The following AKR1B10 variants were observed in gnomAD, a reference collection of about 807,000 sequenced individuals.
AKR1B10 encodes the protein ARP.
A neutral mutation model predicts 38.9 loss-of-function variants in AKR1B10; 39 were observed. The ratio of observed to expected loss-of-function variants is 1.00; its 90% CI spans 0.78 to 1.31. The LOEUF is 1.31. Ranked by LOEUF, AKR1B10 falls within the 50% of genes most tolerant of loss-of-function variation. The probability of loss-of-function intolerance (pLI) is 0.00; values close to 1 mark genes in which losing one functional copy is unlikely to be tolerated. For synonymous variants in AKR1B10, 148 were observed against 141.2 expected (o/e 1.05, Z -0.34); for missense variants, 361 against 382.6 (o/e 0.94, Z 0.47).
Position 134,541,182 on chromosome 7 carries a change from T to C in AKR1B10, c.*93T>C. The stretch of plus-strand genomic sequence containing the variant: ...CATGTCCCATTTTAGCCAAGCTTAT[T>C]TAAGATCACAGTGAACTTAGTCCTG... On this transcript the variant is annotated 3_prime_UTR_variant, in exon 10 of 10. Coordinates refer to ENST00000359579, the MANE Select transcript of AKR1B10 (RefSeq NM_020299.5). 1.0e-6 allele frequency: 1 copy of C among 989,760 alleles called. No individual in the cohort carries two copies. Among genetic ancestry groups the C allele is most frequent in the Non-Finnish European group, 1.5e-6 (1 of 651,230 alleles). The allele number at this position is 989,760 out of a possible 1,614,324, so 61.3% of individuals were successfully genotyped here. A position where few individuals can be genotyped will look rare whatever the true frequency, so the allele number is the denominator to read the frequency against.
intron 2 of AKR1B10, among the ~76,000 whole-genome samples, chr7:134,531,277 G>A (rs1433320585): frequency 6.6e-6 from 1 of 152,170 alleles, no homozygotes; most frequent in African/African-American, 2.4e-5. Flanking sequence ...CTAGTAAAAG[G>A]TGAGGGATAC....
chr7:134,532,225 G>A (rs1807877129), intron 3 of AKR1B10, among the ~76,000 whole-genome samples: 1 of 152,130 alleles, frequency 6.6e-6, no homozygotes, highest in South Asian at 2.1e-4. Flanking sequence ...TGCTGCTGAG[G>A]TGGCCACATG....
At chr7:134,532,585 C>T (rs1181210022) in intron 3 of AKR1B10, among the ~76,000 whole-genome samples, 2 of 152,132 alleles carry the variant, frequency 1.3e-5, no homozygotes, top group Non-Finnish European at 2.9e-5. Context: ...TGATGATGGC[C>T]TGCCACCCCT....
intron 1 of AKR1B10, 37 bp downstream of exon 1, chr7:134,528,014 G>A (rs1158408273): frequency 6.2e-7 from 1 of 1,609,612 alleles, no homozygotes; most frequent in Non-Finnish European, 8.5e-7. Flanking sequence ...TTCTTCTCTG[G>A]AGGGGCGTTT....
chr7:134,541,223 G>A lies in AKR1B10; in HGVS notation c.*134G>A, dbSNP rs1481512851. On this transcript the variant is annotated 3_prime_UTR_variant, in exon 10 of 10. Transcript: ENST00000359579. The stretch of plus-strand genomic sequence containing the variant: ...CTTAGTCCTGTTATAGACGAGAATC[G>A]AGGTGCTGTTTTAGACATTTATTTC... The A allele has an allele frequency of 9.3e-6, 6 of 646,100 alleles. No homozygotes were observed. Among genetic ancestry groups the A allele is most frequent in the African/African-American group, 3.7e-5 (2 of 53,860 alleles). The allele number at this position is 646,100 out of a possible 1,614,324, so 40.0% of individuals were successfully genotyped here.
Position 134,532,732 on chromosome 7 carries a change from G to A in AKR1B10, c.352-272G>A, listed in dbSNP as rs541620037. Among the ~76,000 whole-genome samples the A allele has an allele frequency of 6.6e-5, 10 of 152,284 alleles. No individual in the cohort carries two copies. In the South Asian group the frequency reaches 2.1e-3, roughly 32 times the overall value. On this transcript the variant is annotated intron_variant, in intron 3 of 9. Transcript: ENST00000359579. ...GCCCTTGGTTGTATATGGGATCTAG[G>A]TGTATGAGGTTAATGTCCATGGTGA...
At chr7:134,536,840 T>C in intron 5 of AKR1B10, 68 bp downstream of exon 5, 2 of 1,601,980 alleles carry the variant, frequency 1.2e-6, no homozygotes, top group East Asian at 4.5e-5. Context: ...GGGAGGAATG[T>C]TCAATGCTAT....
intron 4 of AKR1B10, chr7:134,535,568 T>G: frequency 9.3e-6 from 9 of 971,192 alleles, no homozygotes; most frequent in African/African-American, 1.8e-5. Flanking sequence ...TGCTCATGTT[T>G]TTTCCCTCTT....
At chr7:134,528,213 G>A (rs1453419331) in intron 1 of AKR1B10, among the ~76,000 whole-genome samples, 4 of 152,220 alleles carry the variant, frequency 2.6e-5, no homozygotes, top group African/African-American at 7.2e-5. Context: ...CAAATTTCAA[G>A]CAGCTGTTGG....
At chr7:134,538,068 G>C in intron 7 of AKR1B10, 126 bp from the exon 8 acceptor site, 1 of 899,424 alleles carries the variant, frequency 1.1e-6, no homozygotes, top group Admixed American at 1.9e-5. Context: ...AGCTGTGAAG[G>C]GCTCAGTAAT....
intron 6 of AKR1B10, 34 bp from the exon 7 acceptor site, chr7:134,537,546 G>T (rs1808045094): frequency 6.2e-6 from 10 of 1,601,540 alleles, no homozygotes; most frequent in Non-Finnish European, 8.5e-6. Flanking sequence ...GGTAGCCATG[G>T]TGATTATTCA....
intron 3 of AKR1B10, among the ~76,000 whole-genome samples, chr7:134,532,306 A>G (rs113415832): frequency 7.9e-4 from 120 of 152,306 alleles, no homozygotes; most frequent in African/African-American, 2.7e-3. Context: ...TGCAACTGCC[A>G]TATCACCTTT....
chr7:134,537,749 TA>T (rs1163538325), intron 7 of AKR1B10, 88 bp downstream of exon 7: 1 of 1,500,664 alleles, frequency 6.7e-7, no homozygotes, highest in African/African-American at 1.4e-5. Context: ...ACAAACTCCT[TA>T]AAGGGGAAGA....
intron 4 of AKR1B10, among the ~76,000 whole-genome samples, chr7:134,533,347 C>T (rs757296374): frequency 1.6e-4 from 24 of 152,170 alleles, no homozygotes; most frequent in African/African-American, 1.2e-4. Flanking sequence ...CAAACCAGGG[C>T]GAGGCATTTG....
Position 134,535,585 on chromosome 7 carries a change from C to CCTTTTT in AKR1B10, c.430-1065_430-1064insCTTTTT, listed in dbSNP as rs1554396831. ...CTCATGTTTTTTCCCTCTTTTCTGT[C>CCTTTTT]TTTTTTTTTTTTTTTTTTTTTTTCT... is the stretch of plus-strand genomic sequence containing the variant. On this transcript the variant is annotated intron_variant, in intron 4 of 9. Coordinates refer to ENST00000359579, the MANE Select transcript of AKR1B10 (RefSeq NM_020299.5). 7.6e-5 allele frequency: 31 copies of CCTTTTT among 410,552 alleles called. 1 individual carries two copies. The highest frequency in any genetic ancestry group is 4.4e-4 in the South Asian group (4 of 9,036). The allele number at this position is 410,552 out of a possible 1,614,324, so 25.4% of individuals were successfully genotyped here. A position where few individuals can be genotyped will look rare whatever the true frequency, so the allele number is the denominator to read the frequency against.
In AKR1B10 at chr7:134,537,630, T is replaced by G; in HGVS notation, c.710T>G (p.Ile237Ser). 1 of 1,614,134 alleles carries G rather than the reference T, an allele frequency of 6.2e-7. No homozygotes were observed. Among genetic ancestry groups the G allele is most frequent in the Non-Finnish European group, 8.5e-7 (1 of 1,179,978 alleles). The stretch of plus-strand genomic sequence containing the variant: ...CTGGAGGATCCCAAGATTAAGGAGA[T>G]TGCTGCAAAGCACAAAAAAACCGCA... Reference protein sequence around the residue: ...SLLEDPKIKEIAAKHKKTAAQ... With the variant: ...SLLEDPKIKESAAKHKKTAAQ... The change falls in exon 7 of 10, where the codon ATT (isoleucine) becomes AGT (serine). Residue 237 changes from isoleucine (I) to serine (S), a missense_variant. Ile to Ser is a moderately radical substitution (Grantham distance 142). Coordinates refer to ENST00000359579, the MANE Select transcript of AKR1B10 (RefSeq NM_020299.5).
intron 4 of AKR1B10, 148 bp downstream of exon 4, chr7:134,533,229 C>G (rs1585753002): frequency 3.0e-6 from 2 of 662,146 alleles, no homozygotes; most frequent in East Asian, 6.3e-5. Context: ...TCCTCATCAC[C>G]TTTGGCTTTT....
chr7:134,534,539 C>T (rs571182480), intron 4 of AKR1B10, among the ~76,000 whole-genome samples: 4 of 152,250 alleles, frequency 2.6e-5, no homozygotes, highest in Middle Eastern at 3.4e-3. Flanking sequence ...AATACAAGAA[C>T]GACTGCTAAA....
intron 4 of AKR1B10, chr7:134,535,585 CTTTTTTTT>C (rs58628862): frequency 4.3e-4 from 177 of 410,548 alleles, no homozygotes; most frequent in African/African-American, 7.5e-4. Context: ...TCTTTTCTGT[CTTTTTTTT>C]TTTTTTTTTT....
Sources: allele counts gnomAD v4.1 joint callset (sites outside exome capture counted in the v4.1 genomes callset), GRCh38; gene constraint gnomAD v4.1.1; transcripts MANE v1.5; gene names NCBI Gene and HGNC (gene_info 2026-07-23, HGNC 2026-07-21).